The following CHD7 variants were observed in gnomAD, a reference collection of about 807,000 sequenced individuals.
CHD7 encodes chromodomain helicase DNA binding protein 7.
Under a neutral mutation model 307.3 loss-of-function variants are expected in CHD7, and 24 were observed. The ratio of observed to expected loss-of-function variants is 0.08; its 90% CI spans 0.06 to 0.11. The LOEUF is 0.11. CHD7 is among the 10% of genes least tolerant of loss of function. CHD7 has a pLI of 1.00. For synonymous variants in CHD7, 1,363 were observed against 1,349.9 expected (o/e 1.01, Z -0.21); for missense variants, 3,106 against 3,727.1 (o/e 0.83, Z 4.34).
intron 2 of CHD7, among the ~76,000 whole-genome samples, chr8:60,755,618 A>G (rs917561830): frequency 2.6e-5 from 4 of 152,186 alleles, no homozygotes; most frequent in Non-Finnish European, 4.4e-5. Flanking sequence ...TCTAATGTCC[A>G]TCAGTTGTAA....
At chr8:60,737,084 TC>T (rs879496425) in intron 1 of CHD7, among the ~76,000 whole-genome samples, 1 of 152,138 alleles carries the variant, frequency 6.6e-6, no homozygotes, top group Non-Finnish European at 1.5e-5. Flanking sequence ...CAGTGACATT[TC>T]TTTCATCTTG....
At chr8:60,824,711 C>T (rs112434617) in intron 13 of CHD7, 1 of 152,288 alleles carries the variant, frequency 6.6e-6, no homozygotes, top group South Asian at 2.1e-4. Context: ...TACAGTGCCT[C>T]AGATTTGATC....
At chr8:60,817,962 G>A (rs1048826628) in intron 8 of CHD7, among the ~76,000 whole-genome samples, 1 of 152,156 alleles carries the variant, frequency 6.6e-6, no homozygotes. Flanking sequence ...TCTCTCTCCT[G>A]TAGTCACACT....
chr8:60,784,356 TAGAG>T (rs1336066009), intron 3 of CHD7, among the ~76,000 whole-genome samples: 1 of 152,164 alleles, frequency 6.6e-6, no homozygotes, highest in Non-Finnish European at 1.5e-5. Context: ...AGAGCTAAAA[TAGAG>T]GGAATAAACA....
chr8:60,816,721 G>A (rs1225624272), intron 8 of CHD7, among the ~76,000 whole-genome samples: 1 of 152,178 alleles, frequency 6.6e-6, no homozygotes, highest in African/African-American at 2.4e-5. Context: ...ATATTATGTG[G>A]AAATAGCGGT....
At chr8:60,864,675 G>T in intron 37 of CHD7, 1 of 274,066 alleles carries the variant, frequency 3.6e-6, no homozygotes, top group South Asian at 5.1e-5. Flanking sequence ...TCACCCTGTT[G>T]TGTTATCAAA....
chr8:60,754,806 A>G (rs1226698692), intron 2 of CHD7, among the ~76,000 whole-genome samples: 4 of 152,216 alleles, frequency 2.6e-5, no homozygotes, highest in Admixed American at 2.0e-4. Context: ...TCATATTGCT[A>G]GGGATGGTCG....
intron 14 of CHD7, 97 bp downstream of exon 14, chr8:60,828,903 C>T (rs1804374152): frequency 8.9e-7 from 1 of 1,123,156 alleles, no homozygotes; most frequent in Non-Finnish European, 1.3e-6. Flanking sequence ...GATTATATTA[C>T]AGTTTTTCCC....
At chr8:60,828,323 A>G (rs1312300391) in intron 13 of CHD7, among the ~76,000 whole-genome samples, 1 of 152,228 alleles carries the variant, frequency 6.6e-6, no homozygotes, top group Non-Finnish European at 1.5e-5. Context: ...ATCTGCGTCT[A>G]GGGATTCTAG....
At chr8:60,721,774 C>G (rs911185777) in intron 1 of CHD7, among the ~76,000 whole-genome samples, 1 of 152,198 alleles carries the variant, frequency 6.6e-6, no homozygotes, top group Non-Finnish European at 1.5e-5. Flanking sequence ...AGGCTTCAGG[C>G]AAGCGCTGGG....
intron 1 of CHD7, among the ~76,000 whole-genome samples, chr8:60,736,065 T>G (rs995621439): frequency 1.1e-4 from 17 of 152,198 alleles, no homozygotes; most frequent in African/African-American, 4.1e-4. Context: ...GAAGAAAATG[T>G]GGTCTTGGCC....
chr8:60,788,045 C>T (rs189556672), intron 3 of CHD7, among the ~76,000 whole-genome samples: 6 of 151,864 alleles, frequency 4.0e-5, no homozygotes, highest in East Asian at 3.9e-4. Flanking sequence ...TGGTCTCAAA[C>T]GCCTATCCTC....
chr8:60,838,473 C>A (rs539706424), intron 19 of CHD7, among the ~76,000 whole-genome samples: 1 of 152,314 alleles, frequency 6.6e-6, no homozygotes, highest in South Asian at 2.1e-4. Context: ...ATCCTTGTAT[C>A]TGCTTCCCAG....
At chr8:60,736,864 C>T (rs931294903) in intron 1 of CHD7, among the ~76,000 whole-genome samples, 6 of 152,156 alleles carry the variant, frequency 3.9e-5, no homozygotes, top group Non-Finnish European at 7.3e-5. Flanking sequence ...ACACCTGTGA[C>T]GCTAAAAGGT....
intron 1 of CHD7, among the ~76,000 whole-genome samples, chr8:60,691,485 A>AC (rs1390721418): frequency 6.6e-6 from 1 of 152,158 alleles, no homozygotes. Flanking sequence ...CGTGTAAGGA[A>AC]CCCCCATCCT....
intron 1 of CHD7, among the ~76,000 whole-genome samples, chr8:60,716,160 C>T (rs1308051138): frequency 1.3e-5 from 2 of 152,238 alleles, no homozygotes; most frequent in African/African-American, 2.4e-5. Flanking sequence ...ACTTCTACCA[C>T]CCGGGTCCAA....
intron 1 of CHD7, among the ~76,000 whole-genome samples, chr8:60,685,991 A>C (rs1176816009): frequency 6.6e-6 from 1 of 152,184 alleles, no homozygotes; most frequent in Admixed American, 6.5e-5. Flanking sequence ...TTGTGTGCAT[A>C]AAGATAACCT....
chr8:60,860,164 A>G (rs889036577), intron 34 of CHD7, among the ~76,000 whole-genome samples: 2 of 152,250 alleles, frequency 1.3e-5, no homozygotes, highest in African/African-American at 4.8e-5. Context: ...CAACAAAATT[A>G]TATTGTGCAC....
chr8:60,811,917 G>A (rs1220211324), intron 7 of CHD7, among the ~76,000 whole-genome samples: 3 of 152,092 alleles, frequency 2.0e-5, no homozygotes, highest in Non-Finnish European at 4.4e-5. Context: ...TTCTCTTATT[G>A]TGAATAAGAA....
Sources: gnomAD v4.1 joint callset for allele counts (sites outside exome capture counted in the v4.1 genomes callset) on GRCh38, gnomAD v4.1.1 for gene constraint, MANE v1.5 for transcripts, NCBI Gene and HGNC (gene_info 2026-07-23, HGNC 2026-07-21) for gene names.